Variants in BAZ2B observed in about 807,000 individuals in gnomAD.
The protein encoded by BAZ2B is bromodomain adjacent to zinc finger domain 2B.
BAZ2B carries 91 observed loss-of-function variants against 246.0 expected under a neutral mutation model. That is an observed-to-expected ratio of 0.37 (90% CI 0.31 to 0.44). The LOEUF is 0.44. BAZ2B is among the 20% of genes least tolerant of loss of function. The pLI is 1.00. For missense variants in BAZ2B, 2,332 were observed against 2,533.7 expected, an observed-to-expected ratio of 0.92 and a Z score of 1.71; for synonymous variants, 855 against 860.0, an observed-to-expected ratio of 0.99 and a Z score of 0.10.
chr2:159,452,388 T>C (rs1378025251), intron 4 of BAZ2B, among the ~76,000 whole-genome samples: 1 of 152,218 alleles, frequency 6.6e-6, no homozygotes. Context: ...TTAACTCCTT[T>C]AATCCTCACA....
the BAZ2B span, among the ~76,000 whole-genome samples, chr2:159,666,665 G>A: frequency 6.6e-6 from 1 of 152,074 alleles, no homozygotes; most frequent in African/African-American, 2.4e-5. Flanking sequence ...AGACCAGCCT[G>A]GCCAACACAA....
At chr2:159,668,921 T>C in the BAZ2B span, among the ~76,000 whole-genome samples, 2 of 152,216 alleles carry the variant, frequency 1.3e-5, no homozygotes, top group African/African-American at 4.8e-5. Context: ...CCGGGCATGG[T>C]GGTGCATGCC....
chr2:159,449,583 C>G (rs2074754672), intron 4 of BAZ2B, among the ~76,000 whole-genome samples: 1 of 152,082 alleles, frequency 6.6e-6, no homozygotes, highest in Non-Finnish European at 1.5e-5. Context: ...ATGGTAGCTG[C>G]CAGTCTCAAA....
intron 13 of BAZ2B, among the ~76,000 whole-genome samples, chr2:159,418,472 T>C (rs1464557452): frequency 6.6e-6 from 1 of 152,208 alleles, no homozygotes; most frequent in African/African-American, 2.4e-5. Context: ...AGGGTAAATA[T>C]GTGGTTTAGC....
upstream of BAZ2B, among the ~76,000 whole-genome samples, chr2:159,619,307 A>G (rs987481346): frequency 6.6e-6 from 1 of 151,800 alleles, no homozygotes; most frequent in Non-Finnish European, 1.5e-5. Flanking sequence ...TATCATCATC[A>G]AAAGGTTGGA....
chr2:159,704,542 G>C, the BAZ2B span, among the ~76,000 whole-genome samples: 2 of 147,540 alleles, frequency 1.4e-5, no homozygotes, highest in African/African-American at 5.1e-5. Flanking sequence ...GAGTGCAATG[G>C]TGCAATCTCA....
rs573635127 is a variant in BAZ2B, at chr2:159,431,110, T to A, written c.1947A>T (p.Glu649Asp). The A allele has an allele frequency of 6.8e-6, 11 of 1,611,910 alleles. No individual in the cohort carries two copies. The highest frequency in any genetic ancestry group is 2.7e-5 in the African/African-American group (2 of 74,962). The change falls in exon 10 of 37, where the codon GAA (glutamate) becomes GAT (aspartate). Residue 649 changes from glutamate (E) to aspartate (D), a missense_variant. Physicochemically the swap from Glu to Asp is conservative, Grantham distance 45. Around this residue, in one of 9 missense-constraint regions of BAZ2B, gnomAD observed 651 missense variants for 650.9 expected, o/e 1.00. Transcript: ENST00000392783. ...SESDTEGSEE[E>D]DDDDKDQDES... Reference sequence around the variant, plus strand: ...CATCTTGGTCTTTATCATCATCATCTTCTTCTTCTGATCCTTCTGTATCTG... The same window carrying A: ...CATCTTGGTCTTTATCATCATCATCATCTTCTTCTGATCCTTCTGTATCTG...
At chr2:159,588,630 C>T (rs542381049) in intron 1 of BAZ2B, among the ~76,000 whole-genome samples, 1 of 152,288 alleles carries the variant, frequency 6.6e-6, no homozygotes, top group Admixed American at 6.5e-5. Flanking sequence ...GCACTGCTGG[C>T]CCTGCAGACT....
intron 16 of BAZ2B, among the ~76,000 whole-genome samples, chr2:159,401,448 G>A (rs1244577708): frequency 6.6e-6 from 1 of 152,092 alleles, no homozygotes; most frequent in African/African-American, 2.4e-5. Context: ...TAAATAAAAT[G>A]CTTTAAAAAG....
At chr2:159,447,290 C>G (rs2074393949) in intron 5 of BAZ2B, among the ~76,000 whole-genome samples, 1 of 152,112 alleles carries the variant, frequency 6.6e-6, no homozygotes, top group Admixed American at 6.6e-5. Flanking sequence ...TACAACACTG[C>G]AAATGCATTA....
chr2:159,373,537 T>C (rs2061078518), intron 26 of BAZ2B, among the ~76,000 whole-genome samples: 1 of 152,144 alleles, frequency 6.6e-6, no homozygotes, highest in Admixed American at 6.5e-5. Context: ...TAACAAATAA[T>C]ACATATAATA....
chr2:159,690,595 C>A, the BAZ2B span, among the ~76,000 whole-genome samples: 1 of 151,956 alleles, frequency 6.6e-6, no homozygotes. Context: ...TTAGTTTTAC[C>A]ATTGATTTTC....
chr2:159,545,178 A>G (rs1019526155), intron 2 of BAZ2B, among the ~76,000 whole-genome samples: 5 of 152,148 alleles, frequency 3.3e-5, no homozygotes, highest in African/African-American at 7.2e-5. Context: ...GTACCTTCCC[A>G]TATCACTTCC....
At chr2:159,650,440 C>G in the BAZ2B span, among the ~76,000 whole-genome samples, 1 of 152,068 alleles carries the variant, frequency 6.6e-6, no homozygotes, top group Non-Finnish European at 1.5e-5. Context: ...ACTATTGATG[C>G]AAGATCTTTT....
At chr2:159,488,103 T>C (rs181901713) in intron 2 of BAZ2B, among the ~76,000 whole-genome samples, 1 of 152,140 alleles carries the variant, frequency 6.6e-6, no homozygotes, top group Non-Finnish European at 1.5e-5. Context: ...AGACAGAGTC[T>C]CACTCTGTTG....
intron 3 of BAZ2B, among the ~76,000 whole-genome samples, chr2:159,467,411 A>G (rs1388956502): frequency 6.6e-6 from 1 of 152,148 alleles, no homozygotes; most frequent in African/African-American, 2.4e-5. Flanking sequence ...CCTCCCTCAG[A>G]CGGGCCTTTC....
chr2:159,324,760 C>CAT (rs1480872211), intron 36 of BAZ2B, 51 bp downstream of exon 36: 1 of 1,282,140 alleles, frequency 7.8e-7, no homozygotes, highest in African/African-American at 1.6e-5. Flanking sequence ...ATATGCCTAG[C>CAT]ATATATCAGG....
At chr2:159,475,768 C>T (rs1165643036) in intron 3 of BAZ2B, among the ~76,000 whole-genome samples, 2 of 152,120 alleles carry the variant, frequency 1.3e-5, no homozygotes, top group Non-Finnish European at 2.9e-5. Context: ...GATATTGATG[C>T]TATTCCTTTC....
chr2:159,333,577 C>T (rs1038328919), intron 33 of BAZ2B, among the ~76,000 whole-genome samples: 3 of 151,894 alleles, frequency 2.0e-5, no homozygotes, highest in Non-Finnish European at 4.4e-5. Flanking sequence ...CTAGTTCATA[C>T]TCCAGTCACA....
Sources: allele counts gnomAD v4.1 joint callset (sites outside exome capture counted in the v4.1 genomes callset), GRCh38; gene constraint gnomAD v4.1.1; regional missense constraint gnomAD v4.1.1; transcripts MANE v1.5; gene names NCBI Gene and HGNC (gene_info 2026-07-23, HGNC 2026-07-21).